TLE4: variants seen among roughly 807,000 people sequenced by gnomAD.
TLE4 encodes TLE family member 4, transcriptional corepressor.
TLE4 carries 8 observed loss-of-function variants against 92.8 expected under a neutral mutation model. The ratio of observed to expected loss-of-function variants is 0.09; its 90% CI spans 0.05 to 0.16. The LOEUF (loss-of-function observed/expected upper bound fraction) is 0.16, where lower values mean the gene tolerates loss of function less well. Among genes scored for constraint, TLE4 ranks in the 10% least tolerant of loss-of-function variants. The pLI is 1.00. For missense variants in TLE4, 675 were observed against 997.6 expected, an observed-to-expected ratio of 0.68 and a Z score of 4.36; for synonymous variants, 371 against 374.1, an observed-to-expected ratio of 0.99 and a Z score of 0.10.
At chr9:79,703,357 C>T (rs916553533) in intron 8 of TLE4, among the ~76,000 whole-genome samples, 5 of 152,190 alleles carry the variant, frequency 3.3e-5, no homozygotes, top group Admixed American at 2.6e-4. Flanking sequence ...AGCAGCATAG[C>T]GCAGCCCTCA....
At chr9:79,704,738 T>C (rs917553214) in intron 8 of TLE4, 45 bp from the exon 9 acceptor site, 4 of 1,586,992 alleles carry the variant, frequency 2.5e-6, no homozygotes, top group African/African-American at 2.7e-5. Context: ...CTCGGCTAAA[T>C]AGATGATAAT....
At chr9:79,573,541 G>A in intron 1 of TLE4, 148 bp from the exon 2 acceptor site, 1 of 819,948 alleles carries the variant, frequency 1.2e-6, no homozygotes, top group Non-Finnish European at 1.7e-6. Context: ...TTGGGCGCGA[G>A]GAGGGTTGCG....
chr9:79,655,430 T>G (rs1335948546), intron 8 of TLE4, among the ~76,000 whole-genome samples: 1 of 152,168 alleles, frequency 6.6e-6, no homozygotes, highest in Non-Finnish European at 1.5e-5. Flanking sequence ...CTCCTTGTCG[T>G]TTTACAATTA....
In TLE4 at chr9:79,706,644, T is replaced by A. The variant is rs192217766; in HGVS notation, c.784-103T>A. 1,188 of 1,412,512 alleles carry A rather than the reference T, an allele frequency of 8.4e-4. 12 individuals carry two copies. In the African/African-American group the frequency reaches 0.015, roughly 18 times the overall value. 87.5% of individuals were successfully genotyped at this position (1,412,512 alleles called of 1,614,324 possible). Reference sequence around the variant, plus strand: ...ATCTGTTCTAGCACATTTGTGCTTCTAAGCATGCATTAAATGCTTTTGGCT... The same window carrying A: ...ATCTGTTCTAGCACATTTGTGCTTCAAAGCATGCATTAAATGCTTTTGGCT... On this transcript the variant is annotated intron_variant, in intron 10 of 19. Coordinates refer to ENST00000376552, the MANE Select transcript of TLE4 (RefSeq NM_007005.6).
intron 8 of TLE4, among the ~76,000 whole-genome samples, chr9:79,671,782 C>T (rs2062394648): frequency 6.6e-6 from 1 of 151,956 alleles, no homozygotes; most frequent in African/African-American, 2.4e-5. Flanking sequence ...TTGCAGTATT[C>T]AGGGTGCTGG....
chr9:79,672,072 C>T (rs1322066747), intron 8 of TLE4, among the ~76,000 whole-genome samples: 1 of 129,556 alleles, frequency 7.7e-6, no homozygotes, highest in Non-Finnish European at 1.5e-5. Flanking sequence ...GTGATTAGTG[C>T]CCTGCTACAT....
rs765328128 is a variant in TLE4, at chr9:79,652,769, G to A, written c.567G>A (p.Lys189=). The change falls in exon 7 of 20, where the codon AAG becomes AAA. Residue 189 remains lysine (K), a synonymous_variant. Coordinates refer to ENST00000376552, the MANE Select transcript of TLE4 (RefSeq NM_007005.6). ...QSHLPIKDEK[K]HHDNDHQRDR... is the part of the protein sequence containing the mutation. ...ATCTTCCAATTAAAGATGAGAAGAA[G>A]CACCATGACAATGATCACCAAAGAG... 1.2e-6 allele frequency: 2 copies of A among 1,614,152 alleles called. No individual in the cohort carries two copies. The highest frequency in any genetic ancestry group is 1.1e-5 in the South Asian group (1 of 91,076).
At chr9:79,672,355 G>A (rs1173773272) in intron 8 of TLE4, among the ~76,000 whole-genome samples, 1 of 152,068 alleles carries the variant, frequency 6.6e-6, no homozygotes, top group Non-Finnish European at 1.5e-5. Flanking sequence ...CACTGTGGGC[G>A]GGCAGTGAGG....
chr9:79,593,607 A>G (rs1042504443), intron 4 of TLE4, among the ~76,000 whole-genome samples: 1 of 152,226 alleles, frequency 6.6e-6, no homozygotes, highest in African/African-American at 2.4e-5. Flanking sequence ...ATAATATTAA[A>G]GAAAATTAAA....
intron 4 of TLE4, among the ~76,000 whole-genome samples, chr9:79,589,202 T>C (rs1026877246): frequency 1.3e-5 from 2 of 152,304 alleles, no homozygotes; most frequent in Non-Finnish European, 2.9e-5. Flanking sequence ...CGGAGAGTTA[T>C]AGGTTTGGGG....
chr9:79,698,994 G>A (rs1335448685), intron 8 of TLE4, among the ~76,000 whole-genome samples: 1 of 151,804 alleles, frequency 6.6e-6, no homozygotes, highest in African/African-American at 2.4e-5. Context: ...GTGTAATTCT[G>A]TACAATAAAA....
At chr9:79,709,475 T>C (rs996446670) in intron 13 of TLE4, 148 bp from the exon 14 acceptor site, 13 of 591,510 alleles carry the variant, frequency 2.2e-5, no homozygotes, top group Non-Finnish European at 3.7e-5. Flanking sequence ...TTGGTTATCA[T>C]TTCACCAATA....
intron 3 of TLE4, chr9:79,575,891 A>T (rs2131868282): frequency 5.9e-6 from 2 of 338,172 alleles, no homozygotes; most frequent in East Asian, 8.3e-5. Context: ...GAAACTGGAG[A>T]TGTTAAGAAT....
intron 6 of TLE4, among the ~76,000 whole-genome samples, chr9:79,651,083 C>T (rs2058899255): frequency 6.7e-6 from 1 of 149,866 alleles, no homozygotes; most frequent in South Asian, 2.1e-4. Context: ...CTGTCCCTAT[C>T]TCTAGATATT....
At chr9:79,702,273 C>G (rs1387322446) in intron 8 of TLE4, among the ~76,000 whole-genome samples, 1 of 152,038 alleles carries the variant, frequency 6.6e-6, no homozygotes, top group Non-Finnish European at 1.5e-5. Context: ...AGGAAACTGT[C>G]CTTTTAAAAG....
At chr9:79,661,744 C>T (rs1300361819) in intron 8 of TLE4, among the ~76,000 whole-genome samples, 1 of 152,116 alleles carries the variant, frequency 6.6e-6, no homozygotes, top group Non-Finnish European at 1.5e-5. Context: ...TAAAATAAGT[C>T]ACATTGCTTT....
Position 79,722,579 on chromosome 9 carries a change from G to A in TLE4, c.2115G>A (p.Leu705=), listed in dbSNP as rs1207031934. ...YQLHLHESCV[L]SLKFAHCGKW... ...TACATCTTCATGAGAGCTGTGTGCT[G>A]TCGCTCAAGTTTGCCCATTGTGGTA... is the stretch of plus-strand genomic sequence containing the variant. The change falls in exon 18 of 20, where the codon CTG becomes CTA. Residue 705 remains leucine (L), a synonymous_variant. Coordinates refer to ENST00000376552, the MANE Select transcript of TLE4 (RefSeq NM_007005.6). 6.2e-7 allele frequency: 1 copy of A among 1,613,996 alleles called. No homozygotes were observed. Among genetic ancestry groups the A allele is most frequent in the African/African-American group, 1.3e-5 (1 of 74,922 alleles).
At chr9:79,663,066 G>T (rs1167341939) in intron 8 of TLE4, among the ~76,000 whole-genome samples, 1 of 144,936 alleles carries the variant, frequency 6.9e-6, no homozygotes, top group Non-Finnish European at 1.5e-5. Context: ...GGGGGTGGGG[G>T]TGGGGGTGGA....
At chr9:79,705,032 T>C in intron 9 of TLE4, 130 bp downstream of exon 9, 1 of 1,357,238 alleles carries the variant, frequency 7.4e-7, no homozygotes. Context: ...AAAACATTTA[T>C]TGTATTTATA....
Sources: allele counts gnomAD v4.1 joint callset (sites outside exome capture counted in the v4.1 genomes callset), GRCh38; gene constraint gnomAD v4.1.1; transcripts MANE v1.5; gene names NCBI Gene and HGNC (gene_info 2026-07-23, HGNC 2026-07-21).